The following UGT3A2 variants were observed in gnomAD, a reference collection of about 807,000 sequenced individuals.
UGT3A2 encodes UDP-glycosyltransferase 3A2.
Under a neutral mutation model 39.8 loss-of-function variants are expected in UGT3A2, and 32 were observed. The ratio of observed to expected loss-of-function variants is 0.80; its 90% CI spans 0.61 to 1.08. The LOEUF is 1.08. Among genes scored for constraint, UGT3A2 ranks in the 50% least tolerant of loss-of-function variants. UGT3A2 has a pLI of 0.00. For synonymous variants in UGT3A2, 241 were observed against 230.7 expected (o/e 1.04, Z -0.40); for missense variants, 611 against 637.1 (o/e 0.96, Z 0.44).
chr5:36,041,846 T>C (rs962872863), intron 4 of UGT3A2, among the ~76,000 whole-genome samples: 2 of 152,034 alleles, frequency 1.3e-5, no homozygotes, highest in Non-Finnish European at 2.9e-5. Flanking sequence ...GCCCAGACAT[T>C]GATGAACAAG....
At chr5:36,039,846 A>G (rs1333393409) in intron 4 of UGT3A2, 138 bp from the exon 5 acceptor site, 9 of 673,058 alleles carry the variant, frequency 1.3e-5, no homozygotes, top group Admixed American at 5.2e-5. Flanking sequence ...AGCTCCTAGT[A>G]TAGCTCGATA....
At chr5:36,065,745 C>G (rs976979983) in intron 1 of UGT3A2, among the ~76,000 whole-genome samples, 2 of 152,124 alleles carry the variant, frequency 1.3e-5, no homozygotes, top group Non-Finnish European at 2.9e-5. Context: ...AGGGAGGCCA[C>G]AAGTGCTCTT....
chr5:36,049,373 TGCAAC>T lies in UGT3A2; in HGVS notation c.354_358del (p.Leu119ValfsTer7). Reference sequence around the variant, plus strand: ...CTTTCTATTTAAAAAATGACTGCACTGCAACGCCAAGTATTCTAGAACATTTAATA... The same window carrying T: ...CTTTCTATTTAAAAAATGACTGCACTGCCAAGTATTCTAGAACATTTAATA... On this transcript the variant is annotated frameshift_variant, in exon 4 of 7. Coordinates refer to ENST00000282507, the MANE Select transcript of UGT3A2 (RefSeq NM_174914.4). LOFTEE classifies it high-confidence loss of function. 6.3e-7 allele frequency: 1 copy of T among 1,599,988 alleles called. No individual in the cohort carries two copies. Among genetic ancestry groups the T allele is most frequent in the East Asian group, 2.2e-5 (1 of 44,824 alleles).
Position 36,066,799 on chromosome 5 carries a change from T to C in UGT3A2, c.-10A>G, listed in dbSNP as rs188624045. 2 of 1,614,154 alleles carry C rather than the reference T, an allele frequency of 1.2e-6. No individual in the cohort carries two copies. The highest frequency in any genetic ancestry group is 1.7e-5 in the Admixed American group (1 of 60,026). On this transcript the variant is annotated 5_prime_UTR_variant, in exon 1 of 7. Transcript: ENST00000282507. Reference sequence around the variant, plus strand: ...CTCGCTGCCCAGCCATGCTCACTTCTACGGAAGCCGCGGATCTCAGCCTGG... The same window carrying C: ...CTCGCTGCCCAGCCATGCTCACTTCCACGGAAGCCGCGGATCTCAGCCTGG...
intron 5 of UGT3A2, among the ~76,000 whole-genome samples, chr5:36,038,264 G>A (rs1237549331): frequency 6.6e-6 from 1 of 152,172 alleles, no homozygotes; most frequent in African/African-American, 2.4e-5. Context: ...AGTGAATTCT[G>A]TAGAGAAGAG....
chr5:36,059,666 T>C lies in UGT3A2; in HGVS notation c.196+4583A>G, dbSNP rs560434582. 2.0e-5 allele frequency among the ~76,000 whole-genome samples: 3 copies of C among 152,284 alleles called. No homozygotes were observed. The South Asian group carries it at 6.2e-4, about 32-fold the overall frequency. On this transcript the variant is annotated intron_variant, in intron 2 of 6. Coordinates refer to ENST00000282507, the MANE Select transcript of UGT3A2 (RefSeq NM_174914.4). Reference sequence around the variant, plus strand: ...CCTCAGATTTGCTTTCTCTGTGTCTTCTGTTAATCAGAAAGAGCCTGTTTC... The same window carrying C: ...CCTCAGATTTGCTTTCTCTGTGTCTCCTGTTAATCAGAAAGAGCCTGTTTC...
chr5:36,063,204 CATGATG>C (rs939088098), intron 2 of UGT3A2, among the ~76,000 whole-genome samples: 2 of 152,014 alleles, frequency 1.3e-5, no homozygotes, highest in Admixed American at 1.3e-4. Flanking sequence ...AGGTGTATTG[CATGATG>C]ATGGAGTTTG....
At chr5:36,057,680 A>T (rs968148074) in intron 2 of UGT3A2, among the ~76,000 whole-genome samples, 2 of 151,680 alleles carry the variant, frequency 1.3e-5, no homozygotes, top group African/African-American at 4.8e-5. Context: ...GGACCACAGG[A>T]GCATGACACC....
In UGT3A2 at chr5:36,051,972, T is replaced by C. The variant is rs1561494349; in HGVS notation, c.209A>G (p.Glu70Gly). Residue 70 changes from glutamate to glycine, a missense_variant, in exon 3 of 7, where the codon GAA becomes GGA. Glu to Gly is a moderately conservative substitution (Grantham distance 98). Coordinates refer to ENST00000282507, the MANE Select transcript of UGT3A2 (RefSeq NM_174914.4). Reference sequence around the variant, plus strand: ...ACTGATAACTTGATATGATTTTTCTTCCTTTTTAAAATCTAAGAAAACAGC... The same window carrying C: ...ACTGATAACTTGATATGATTTTTCTCCCTTTTTAAAATCTAAGAAAACAGC... Reference protein sequence around the residue: ...RGPFMPDFKKEEKSYQVISWL... With the variant: ...RGPFMPDFKKGEKSYQVISWL... 6.4e-7 allele frequency: 1 copy of C among 1,563,750 alleles called. No homozygotes were observed. Among genetic ancestry groups the C allele is most frequent in the Non-Finnish European group, 8.6e-7 (1 of 1,162,814 alleles).
intron 4 of UGT3A2, among the ~76,000 whole-genome samples, chr5:36,047,378 A>G (rs1742199252): frequency 6.6e-6 from 1 of 152,240 alleles, no homozygotes; most frequent in East Asian, 1.9e-4. Context: ...TTGGGCTCAC[A>G]ATATCTAATG....
At chr5:36,042,184 AC>A (rs1464679409) in intron 4 of UGT3A2, among the ~76,000 whole-genome samples, 3 of 152,094 alleles carry the variant, frequency 2.0e-5, no homozygotes, top group Non-Finnish European at 4.4e-5. Context: ...GTGAGCTTCG[AC>A]AATATAATAA....
Position 36,055,061 on chromosome 5 carries a change from C to T in UGT3A2, c.197-3077G>A, listed in dbSNP as rs189834851. ...GGCTGAGGCAGGAGAATCGCTTAAA[C>T]CTGGGAGGAGGAGGTTGCAGTGAGC... On this transcript the variant is annotated intron_variant, in intron 2 of 6. Transcript: ENST00000282507. Among the ~76,000 whole-genome samples, 835 of 151,940 alleles carry T rather than the reference C, an allele frequency of 5.5e-3. 8 individuals are homozygous for T. Among genetic ancestry groups the T allele is most frequent in the Middle Eastern group, 0.014 (4 of 292 alleles).
intron 2 of UGT3A2, among the ~76,000 whole-genome samples, chr5:36,056,290 A>T (rs1742509697): frequency 1.3e-5 from 2 of 152,234 alleles, no homozygotes; most frequent in South Asian, 4.1e-4. Context: ...TAGAAACAGG[A>T]TGTCCTTCAA....
chr5:36,061,654 G>A (rs898791540), intron 2 of UGT3A2, among the ~76,000 whole-genome samples: 12 of 144,852 alleles, frequency 8.3e-5, no homozygotes, highest in African/African-American at 3.0e-4. Flanking sequence ...TGGACATTTG[G>A]GTTGGTTCCA....
chr5:36,064,179 C>G (rs1280288283), intron 2 of UGT3A2, 70 bp downstream of exon 2: 6 of 1,382,174 alleles, frequency 4.3e-6, no homozygotes, highest in Non-Finnish European at 5.1e-6. Flanking sequence ...TTTTGCTAAG[C>G]CTTTCTATGC....
At chr5:36,051,792 A>T (rs1327641987) in intron 3 of UGT3A2, 78 bp downstream of exon 3, 2 of 1,053,040 alleles carry the variant, frequency 1.9e-6, no homozygotes, top group Non-Finnish European at 2.8e-6. Flanking sequence ...TCCTCATTCC[A>T]AGTATCCATG....
intron 2 of UGT3A2, among the ~76,000 whole-genome samples, chr5:36,063,034 C>G (rs1742758609): frequency 6.8e-6 from 1 of 148,110 alleles, no homozygotes. Context: ...GAGCGAGACT[C>G]TGTCTCAAAA....
At chr5:36,055,933 T>A (rs1742497163) in intron 2 of UGT3A2, among the ~76,000 whole-genome samples, 3 of 152,208 alleles carry the variant, frequency 2.0e-5, no homozygotes, top group Admixed American at 2.0e-4. Context: ...GACTAGTCAT[T>A]ATCTTGTCCT....
intron 1 of UGT3A2, 144 bp from the exon 2 acceptor site, chr5:36,064,494 C>G: frequency 8.0e-6 from 6 of 746,062 alleles, no homozygotes; most frequent in Non-Finnish European, 1.3e-5. Flanking sequence ...CTCCTCATGT[C>G]CCTCTGGGTA....
Sources: gnomAD v4.1 joint callset for allele counts (sites outside exome capture counted in the v4.1 genomes callset) on GRCh38, gnomAD v4.1.1 for gene constraint, MANE v1.5 for transcripts, NCBI Gene and HGNC (gene_info 2026-07-23, HGNC 2026-07-21) for gene names.